Variants in ARHGAP32 observed in about 807,000 individuals in gnomAD.
The protein encoded by ARHGAP32 is Rho GTPase activating protein 32.
In ARHGAP32, 51 loss-of-function variants were observed where a neutral mutation model predicts 186.5. The ratio of observed to expected loss-of-function variants is 0.27; its 90% CI spans 0.22 to 0.35. The LOEUF is 0.35. Ranked by LOEUF, ARHGAP32 falls within the 10% of genes least tolerant of loss-of-function variation. The probability of loss-of-function intolerance (pLI) is 1.00; values close to 1 mark genes in which losing one functional copy is unlikely to be tolerated. For missense variants in ARHGAP32, 2,186 were observed against 2,623.5 expected, an observed-to-expected ratio of 0.83 and a Z score of 3.64; for synonymous variants, 950 against 964.3, an observed-to-expected ratio of 0.99 and a Z score of 0.27.
chr11:129,230,541 C>T (rs1363564691), intron 1 of ARHGAP32, among the ~76,000 whole-genome samples: 1 of 130 alleles, frequency 7.7e-3, no homozygotes, highest in Non-Finnish European at 0.015. Flanking sequence ...AAATATCTCA[C>T]AATATTTTGT....
At chr11:129,274,964 T>A (rs573832469) in intron 1 of ARHGAP32, among the ~76,000 whole-genome samples, 7 of 150,712 alleles carry the variant, frequency 4.6e-5, no homozygotes, top group Non-Finnish European at 7.4e-5. Flanking sequence ...AAATCCAATT[T>A]ATAAACTTAA....
At position 128,968,786 on chromosome 11, in the gene ARHGAP32, T is replaced by A; in HGVS notation, c.*121A>T. The stretch of plus-strand genomic sequence containing the variant: ...GATGCTGATTTGTTTACTTTTATTA[T>A]CATTTTTTAAATGTGGTCAGGGGTT... On this transcript the variant is annotated 3_prime_UTR_variant, in exon 23 of 23. Transcript: ENST00000682385. The A allele has an allele frequency of 1.3e-6, 1 of 783,456 alleles. No individual in the cohort carries two copies. Among genetic ancestry groups the A allele is most frequent in the Non-Finnish European group, 1.8e-6 (1 of 560,008 alleles). 48.5% of individuals were successfully genotyped at this position (783,456 alleles called of 1,614,324 possible). A position where few individuals can be genotyped will look rare whatever the true frequency, so the allele number is the denominator to read the frequency against.
intron 11 of ARHGAP32, among the ~76,000 whole-genome samples, chr11:129,023,267 A>G (rs1402924236): frequency 6.6e-6 from 1 of 152,212 alleles, no homozygotes; most frequent in Admixed American, 6.5e-5. Flanking sequence ...AAAATATTTT[A>G]TGGATGGAGA....
At chr11:129,144,565 T>C (rs949011941) in intron 2 of ARHGAP32, among the ~76,000 whole-genome samples, 3 of 152,170 alleles carry the variant, frequency 2.0e-5, no homozygotes, top group African/African-American at 7.2e-5. Context: ...CTCCCATGTG[T>C]TATCTAGCAC....
At chr11:129,086,083 A>G (rs1223792253) in intron 6 of ARHGAP32, among the ~76,000 whole-genome samples, 1 of 152,134 alleles carries the variant, frequency 6.6e-6, no homozygotes, top group East Asian at 1.9e-4. Context: ...AAAAGAACAG[A>G]CAAATTGATC....
At chr11:129,225,230 T>C (rs1208767685) in intron 1 of ARHGAP32, among the ~76,000 whole-genome samples, 1 of 152,126 alleles carries the variant, frequency 6.6e-6, no homozygotes, top group African/African-American at 2.4e-5. Context: ...AGAAGTAAGA[T>C]GCCCATGGAG....
chr11:128,974,717 T>C lies in ARHGAP32; in HGVS notation c.2480A>G (p.Glu827Gly), dbSNP rs1278940652. The C allele has an allele frequency of 4.3e-6, 7 of 1,614,176 alleles. No individual in the cohort carries two copies. The highest frequency in any genetic ancestry group is 1.1e-5 in the South Asian group (1 of 91,072). Residue 827 changes from glutamate (E) to glycine (G), a missense_variant, in exon 21 of 23, where the codon GAG becomes GGG. By Grantham distance (98) the Glu-to-Gly change is moderately conservative. Coordinates refer to ENST00000682385, the MANE Select transcript of ARHGAP32 (RefSeq NM_001378024.1). ...TGAATCTAAAAAGGAAGCACCACTC[T>C]CCAGACATTCTGATTCGGCCTTAGG... ...SPPKAESECLESGASFLDSPG... is the reference protein window; with the variant it reads ...SPPKAESECLGSGASFLDSPG...
At chr11:129,272,877 A>G (rs1407632714) in intron 1 of ARHGAP32, among the ~76,000 whole-genome samples, 2 of 152,222 alleles carry the variant, frequency 1.3e-5, no homozygotes, top group Non-Finnish European at 2.9e-5. Context: ...TTGCATTTCT[A>G]GTAAATTAAA....
rs1356720805 is a variant in ARHGAP32, at chr11:129,176,431, G to T, written c.117-12004C>A. ...GGAATTGAACTCAGCTCTGCACCAA[G>T]CGGACCTAATAGACATCTACAGAAC... On this transcript the variant is annotated intron_variant, in intron 1 of 22. Transcript: ENST00000682385. 2.5e-5 allele frequency among the ~76,000 whole-genome samples: 2 copies of T among 79,918 alleles called. 1 individual carries two copies. The highest frequency in any genetic ancestry group is 5.8e-5 in the Non-Finnish European group (2 of 34,520). The allele number at this position is 79,918 out of a possible 152,430, so 52.4% of individuals were successfully genotyped here.
chr11:129,117,780 C>T (rs1206725164), intron 5 of ARHGAP32, among the ~76,000 whole-genome samples: 1 of 151,772 alleles, frequency 6.6e-6, no homozygotes, highest in Non-Finnish European at 1.5e-5. Context: ...CCCCTACACA[C>T]TAGATGGCGG....
chr11:129,023,447 ATAT>A (rs1182372463), intron 11 of ARHGAP32, among the ~76,000 whole-genome samples: 4 of 152,228 alleles, frequency 2.6e-5, no homozygotes, highest in African/African-American at 4.8e-5. Flanking sequence ...AATAATTGAA[ATAT>A]TATTAACCCA....
intron 11 of ARHGAP32, among the ~76,000 whole-genome samples, chr11:129,011,067 G>A (rs1053614775): frequency 2.6e-5 from 4 of 152,174 alleles, no homozygotes; most frequent in Non-Finnish European, 5.9e-5. Context: ...GGGAACAGGA[G>A]AGACAAGGTC....
At chr11:129,214,386 T>C (rs1025947485) in intron 1 of ARHGAP32, among the ~76,000 whole-genome samples, 2 of 152,208 alleles carry the variant, frequency 1.3e-5, no homozygotes, top group African/African-American at 4.8e-5. Flanking sequence ...TCTGCAACTT[T>C]TCCATAAATC....
At chr11:129,173,682 T>A (rs576069821) in intron 1 of ARHGAP32, among the ~76,000 whole-genome samples, 6 of 152,346 alleles carry the variant, frequency 3.9e-5, no homozygotes, top group Admixed American at 3.9e-4. Context: ...AATCAATAAA[T>A]GTAATCCATC....
chr11:129,034,147 T>C (rs902726070), intron 11 of ARHGAP32, among the ~76,000 whole-genome samples: 1 of 152,194 alleles, frequency 6.6e-6, no homozygotes, highest in Non-Finnish European at 1.5e-5. Context: ...CAACTCTGTC[T>C]TGATGGGTTC....
chr11:129,071,873 C>A (rs1940880338), intron 6 of ARHGAP32, among the ~76,000 whole-genome samples: 1 of 152,168 alleles, frequency 6.6e-6, no homozygotes, highest in Non-Finnish European at 1.5e-5. Context: ...CAATGGAATA[C>A]TATTCAGCCT....
intron 1 of ARHGAP32, among the ~76,000 whole-genome samples, chr11:129,174,672 G>A (rs985014363): frequency 7.2e-5 from 11 of 152,178 alleles, no homozygotes; most frequent in African/African-American, 2.4e-4. Flanking sequence ...GCACCCCCAA[G>A]CAGGGGCAGT....
chr11:129,203,542 T>C (rs1944481438), intron 1 of ARHGAP32, among the ~76,000 whole-genome samples: 1 of 151,764 alleles, frequency 6.6e-6, no homozygotes, highest in Non-Finnish European at 1.5e-5. Context: ...TGTTGAAAAT[T>C]AGGGACTGAT....
chr11:129,143,074 T>C (rs1943093827), intron 2 of ARHGAP32, among the ~76,000 whole-genome samples: 1 of 147,098 alleles, frequency 6.8e-6, no homozygotes. Context: ...TAAAACTGCA[T>C]ATATATATAT....
Sources: allele counts gnomAD v4.1 joint callset (sites outside exome capture counted in the v4.1 genomes callset), GRCh38; gene constraint gnomAD v4.1.1; transcripts MANE v1.5; gene names NCBI Gene and HGNC (gene_info 2026-07-23, HGNC 2026-07-21).